COL4A5: variants seen among roughly 807,000 people sequenced by gnomAD.
The protein encoded by COL4A5 is collagen alpha-5(IV) chain.
COL4A5 carries 26 observed loss-of-function variants against 130.2 expected under a neutral mutation model. That is an observed-to-expected ratio of 0.20 (90% CI 0.15 to 0.28). The LOEUF is 0.28. Ranked by LOEUF, COL4A5 falls within the 10% of genes least tolerant of loss-of-function variation. The pLI, the probability that COL4A5 is intolerant of heterozygous loss-of-function variation, is 1.00. For synonymous variants in COL4A5, 496 were observed against 439.6 expected (o/e 1.13, Z -1.60); for missense variants, 1,131 against 1,344.3 (o/e 0.84, Z 2.48).
In COL4A5 at chrX:108,505,243, G is replaced by A. The variant is rs945491225; in HGVS notation, c.82-34503G>A. Among the ~76,000 whole-genome samples the A allele has an allele frequency of 6.1e-5, 6 of 97,666 alleles. No individual in the cohort carries two copies. In the East Asian group the frequency reaches 9.0e-4, roughly 15 times the overall value. The allele number at this position is 97,666 out of a possible 115,157, so 84.8% of individuals were successfully genotyped here. Reference sequence around the variant, plus strand: ...TTTGGACACTCAGAAGTGAGGAGTCGGTGAGGGATAAAAAAAAAAAACTAC... The same window carrying A: ...TTTGGACACTCAGAAGTGAGGAGTCAGTGAGGGATAAAAAAAAAAAACTAC... On this transcript the variant is annotated intron_variant, in intron 1 of 52. Coordinates refer to ENST00000328300, the MANE Select transcript of COL4A5 (RefSeq NM_033380.3).
chrX:108,602,612 T>C (rs1363326893), intron 27 of COL4A5, among the ~76,000 whole-genome samples: 1 of 112,239 alleles, frequency 8.9e-6, no homozygotes, highest in Non-Finnish European at 1.9e-5. Flanking sequence ...ATTTCCAAAA[T>C]TATATGGTAG....
intron 1 of COL4A5, among the ~76,000 whole-genome samples, chrX:108,443,559 C>T (rs765221361): frequency 2.1e-4 from 23 of 111,818 alleles, no homozygotes; most frequent in African/African-American, 6.8e-4. Context: ...ATTTTATTCA[C>T]AAACTATATA....
intron 1 of COL4A5, among the ~76,000 whole-genome samples, chrX:108,457,818 T>C (rs2064599140): frequency 8.9e-6 from 1 of 112,184 alleles, no homozygotes; most frequent in African/African-American, 3.2e-5. Context: ...TCTTATAGAT[T>C]GACTCATCCA....
intron 37 of COL4A5, among the ~76,000 whole-genome samples, chrX:108,663,911 G>C (rs781006896): frequency 8.9e-6 from 1 of 111,800 alleles, no homozygotes; most frequent in Admixed American, 9.5e-5. Context: ...ACGAGGCCGG[G>C]CGCAGTGGCT....
At chrX:108,526,721 CTTTCTT>C (rs2065329841) in intron 1 of COL4A5, among the ~76,000 whole-genome samples, 4 of 82,161 alleles carry the variant, frequency 4.9e-5, no homozygotes, top group African/African-American at 1.8e-4. Context: ...TTCTTTCTTT[CTTTCTT>C]CCTCCTCCTC....
At chrX:108,552,800 T>G (rs1470424017) in intron 2 of COL4A5, among the ~76,000 whole-genome samples, 1 of 111,881 alleles carries the variant, frequency 8.9e-6, no homozygotes, top group African/African-American at 3.2e-5. Context: ...TCCTAAGAGT[T>G]AGATGGAAAT....
intron 36 of COL4A5, among the ~76,000 whole-genome samples, chrX:108,647,431 T>G (rs1037899609): frequency 8.9e-6 from 1 of 111,868 alleles, no homozygotes; most frequent in African/African-American, 3.2e-5. Context: ...ACATCGATTT[T>G]GTATCCTGAG....
At chrX:108,466,788 G>C (rs2147500343) in intron 1 of COL4A5, among the ~76,000 whole-genome samples, 1 of 109,146 alleles carries the variant, frequency 9.2e-6, no homozygotes, top group East Asian at 2.9e-4. Flanking sequence ...TTTTCTTTTA[G>C]AAATGGGGTC....
chrX:108,456,343 T>C (rs1298264680), intron 1 of COL4A5, among the ~76,000 whole-genome samples: 2 of 112,317 alleles, frequency 1.8e-5, no homozygotes, highest in Non-Finnish European at 3.8e-5. Flanking sequence ...ACTGTAAAAT[T>C]CACCCACTTT....
chrX:108,665,560 G>A lies in COL4A5; in HGVS notation c.3427G>A (p.Gly1143Ser), dbSNP rs104886228. Residue 1143 changes from glycine to serine, a missense_variant, in exon 38 of 53, where the codon GGC becomes AGC. By Grantham distance (56) the Gly-to-Ser change is moderately conservative. Coordinates refer to ENST00000328300, the MANE Select transcript of COL4A5 (RefSeq NM_033380.3). ...TATTAGTGGCCCTCCTGGGAACCCC[G>A]GCCTTCCAGGAGAACCTGGTCCTGT... ...KGISGPPGNPGLPGEPGPVGG... is the reference protein window; with the variant it reads ...KGISGPPGNPSLPGEPGPVGG... The A allele has an allele frequency of 2.5e-6, 3 of 1,206,711 alleles. No individual in the cohort carries two copies. The highest frequency in any genetic ancestry group is 2.2e-6 in the Non-Finnish European group (2 of 891,460).
intron 25 of COL4A5, among the ~76,000 whole-genome samples, chrX:108,599,581 C>T (rs2066590090): frequency 9.0e-6 from 1 of 111,319 alleles, no homozygotes; most frequent in Admixed American, 9.6e-5. Context: ...AGATAGATAG[C>T]TAGGTAGATA....
intron 1 of COL4A5, among the ~76,000 whole-genome samples, chrX:108,452,990 G>A (rs36185438): frequency 2.7e-5 from 3 of 110,603 alleles, no homozygotes; most frequent in Non-Finnish European, 5.7e-5. Context: ...ATTATTTTGA[G>A]ATACATCCCA....
At chrX:108,601,857 C>A (rs752198914) in intron 26 of COL4A5, 28 bp from the exon 27 acceptor site, 2 of 903,213 alleles carry the variant, frequency 2.2e-6, no homozygotes, top group Admixed American at 5.2e-5. Flanking sequence ...TGAACGTTTT[C>A]CTTTCAATAA....
chrX:108,639,697 T>G (rs920091478), intron 36 of COL4A5, among the ~76,000 whole-genome samples: 8 of 111,610 alleles, frequency 7.2e-5, no homozygotes, highest in African/African-American at 2.6e-4. Flanking sequence ...ACAAAAGCCA[T>G]CAAACAACCC....
chrX:108,551,903 G>T (rs2065758478), intron 2 of COL4A5, among the ~76,000 whole-genome samples: 1 of 112,077 alleles, frequency 8.9e-6, no homozygotes, highest in Non-Finnish European at 1.9e-5. Context: ...CATGTCCTTT[G>T]CAGCAGCATG....
intron 2 of COL4A5, among the ~76,000 whole-genome samples, chrX:108,546,558 A>C (rs1358779450): frequency 1.8e-5 from 2 of 110,707 alleles, no homozygotes; most frequent in Non-Finnish European, 3.8e-5. Flanking sequence ...CCTTCATTTC[A>C]ACTTTGGTGA....
rs28521478 is a variant in COL4A5 at position 108,624,510 on chromosome X, T to C, written c.3016+176T>C. On this transcript the variant is annotated intron_variant, in intron 34 of 52. Transcript: ENST00000328300. ...AAATATTGCCCTTTGGCTCTAGTTT[T>C]AGCAGTCCAGATTTTATAGGATATT... Among the ~76,000 whole-genome samples the C allele has an allele frequency of 0.1, 11,769 of 112,558 alleles. 1,303 individuals carry two copies. Among genetic ancestry groups the C allele is most frequent in the African/African-American group, 0.34 (10,388 of 30,855 alleles).
intron 36 of COL4A5, among the ~76,000 whole-genome samples, chrX:108,649,061 A>T (rs1408227591): frequency 1.8e-5 from 2 of 111,840 alleles, no homozygotes; most frequent in Non-Finnish European, 3.8e-5. Flanking sequence ...TACAAGATTA[A>T]TGTACACAAA....
chrX:108,649,435 G>T (rs760971295), intron 36 of COL4A5, among the ~76,000 whole-genome samples: 6 of 111,869 alleles, frequency 5.4e-5, no homozygotes. Context: ...CCAAAAAAGT[G>T]CCTGCATAGC....
Sources: allele counts gnomAD v4.1 joint callset (sites outside exome capture counted in the v4.1 genomes callset), GRCh38; gene constraint gnomAD v4.1.1; transcripts MANE v1.5; gene names NCBI Gene and HGNC (gene_info 2026-07-23, HGNC 2026-07-21).